The following CCT8 variants were observed in gnomAD, a reference collection of about 807,000 sequenced individuals.
The protein encoded by CCT8 is chaperonin containing TCP1 subunit 8.
In CCT8, 10 loss-of-function variants were observed where a neutral mutation model predicts 65.7. The observed-to-expected ratio is 0.15, with a 90% confidence interval of 0.09 to 0.26. CCT8 has a LOEUF of 0.26. Among genes scored for constraint, CCT8 ranks in the 10% least tolerant of loss-of-function variants. The probability of loss-of-function intolerance (pLI) is 1.00; values close to 1 mark genes in which losing one functional copy is unlikely to be tolerated. For synonymous variants in CCT8, 199 were observed against 221.8 expected (o/e 0.90, Z 0.92); for missense variants, 568 against 669.1 (o/e 0.85, Z 1.67).
At chr21:29,072,844 C>T (rs1385294243) in intron 1 of CCT8, among the ~76,000 whole-genome samples, 3 of 152,136 alleles carry the variant, frequency 2.0e-5, no homozygotes, top group Non-Finnish European at 4.4e-5. Flanking sequence ...TTATCTGCAC[C>T]CCTCTATCAC....
At chr21:29,063,289 G>T in intron 8 of CCT8, 63 bp downstream of exon 8, 1 of 1,267,738 alleles carries the variant, frequency 7.9e-7, no homozygotes, top group Non-Finnish European at 1.1e-6. Flanking sequence ...ATTTCGTTTA[G>T]TGTTTTCACC....
intron 14 of CCT8, among the ~76,000 whole-genome samples, chr21:29,057,413 C>T (rs889211858): frequency 1.3e-5 from 2 of 151,300 alleles, no homozygotes; most frequent in African/African-American, 4.8e-5. Flanking sequence ...GATCCACCCG[C>T]CTCAGCCTCC....
At chr21:29,063,324 G>GT (rs983413051) in intron 8 of CCT8, 28 bp downstream of exon 8, 8 of 1,533,238 alleles carry the variant, frequency 5.2e-6, no homozygotes, top group South Asian at 2.3e-5. Context: ...TATGATATAG[G>GT]TAAAAAAAAA....
intron 14 of CCT8, among the ~76,000 whole-genome samples, chr21:29,058,511 T>C (rs1344140685): frequency 1.3e-5 from 2 of 152,070 alleles, no homozygotes; most frequent in African/African-American, 4.8e-5. Flanking sequence ...TCAAAAGTGC[T>C]CATTAAAACA....
At chr21:29,057,779 TATGAG>T (rs1288716490) in intron 14 of CCT8, among the ~76,000 whole-genome samples, 5 of 146,716 alleles carry the variant, frequency 3.4e-5, no homozygotes, top group Admixed American at 6.8e-5. Context: ...ATATGATATA[TATGAG>T]ATATGTATGA....
At chr21:29,073,310 GCCGATCCCTCGGCCTTCTC>G in intron 1 of CCT8, 1 of 1,401,504 alleles carries the variant, frequency 7.1e-7, no homozygotes, top group Non-Finnish European at 9.3e-7. Context: ...CGATCGTGCC[GCCGATCCCTCGGCCTTCTC>G]CCGGTCGCGG....
chr21:29,072,658 T>A (rs776217332), intron 1 of CCT8, among the ~76,000 whole-genome samples: 5 of 152,232 alleles, frequency 3.3e-5, no homozygotes, highest in Non-Finnish European at 7.3e-5. Flanking sequence ...GTACCTCGCA[T>A]AAAACCTTAA....
At chr21:29,071,933 G>C (rs1390489318) in intron 1 of CCT8, 5 of 702,098 alleles carry the variant, frequency 7.1e-6, no homozygotes, top group Admixed American at 4.0e-5. Context: ...CCCTTGTATG[G>C]CTCCTCCTCT....
intron 1 of CCT8, chr21:29,071,989 CTGTTGTTGT>C (rs200313570): frequency 4.3e-6 from 3 of 697,440 alleles, no homozygotes; most frequent in Non-Finnish European, 5.2e-6. Flanking sequence ...GCCCTACAAC[CTGTTGTTGT>C]TGTTGTTGTT....
chr21:29,057,695 CATATATCATAT>C (rs2085515409), intron 14 of CCT8, among the ~76,000 whole-genome samples: 1 of 76,222 alleles, frequency 1.3e-5, no homozygotes, highest in African/African-American at 3.7e-5. Context: ...ATATATCATA[CATATATCATAT>C]ATAATATATA....
chr21:29,069,270 G>C (rs1457895605), intron 3 of CCT8, among the ~76,000 whole-genome samples, 153 bp downstream of exon 3: 3 of 152,088 alleles, frequency 2.0e-5, no homozygotes, highest in Non-Finnish European at 4.4e-5. Flanking sequence ...ATCTAAAGAG[G>C]ACTCTTTATA....
intron 3 of CCT8, among the ~76,000 whole-genome samples, chr21:29,068,582 A>T (rs1186347376): frequency 6.6e-6 from 1 of 151,888 alleles, no homozygotes; most frequent in African/African-American, 2.4e-5. Flanking sequence ...GCCCTAGCCT[A>T]CTGAGTAGCT....
intron 1 of CCT8, among the ~76,000 whole-genome samples, chr21:29,071,403 A>G (rs2085678388): frequency 6.6e-6 from 1 of 151,558 alleles, no homozygotes; most frequent in Non-Finnish European, 1.5e-5. Flanking sequence ...TTTTTGAGAG[A>G]GAGAGAGTCT....
intron 3 of CCT8, among the ~76,000 whole-genome samples, 174 bp from the exon 4 acceptor site, chr21:29,067,879 C>A (rs922845028): frequency 2.6e-4 from 39 of 152,176 alleles, no homozygotes; most frequent in African/African-American, 9.4e-4. Flanking sequence ...AAATCCAAGT[C>A]CCTTTATGCC....
At chr21:29,061,466 G>C (rs1420764449) in intron 12 of CCT8, 30 bp downstream of exon 12, 3 of 1,613,618 alleles carry the variant, frequency 1.9e-6, no homozygotes, top group Non-Finnish European at 2.5e-6. Context: ...GCAATGGAAA[G>C]AAAGTCAATT....
chr21:29,060,410 T>C (rs1601088364), intron 14 of CCT8, 131 bp downstream of exon 14: 2 of 843,290 alleles, frequency 2.4e-6, no homozygotes. Flanking sequence ...GGGGGGCACA[T>C]AGTATCTCTA....
At chr21:29,056,848 T>C (rs1307544543) in intron 14 of CCT8, among the ~76,000 whole-genome samples, 1 of 152,216 alleles carries the variant, frequency 6.6e-6, no homozygotes, top group Non-Finnish European at 1.5e-5. Context: ...TGAAAATATG[T>C]GCATGCATCA....
chr21:29,066,644 TGCA>T, intron 6 of CCT8, 69 bp downstream of exon 6: 2 of 920,658 alleles, frequency 2.2e-6, no homozygotes, highest in South Asian at 1.7e-5. Flanking sequence ...TTTTTTTTTT[TGCA>T]CAAAAAAACA....
rs1409956805 is a variant in CCT8 at position 29,067,067 on chromosome 21, A to G, written c.386T>C (p.Ile129Thr). 2 of 1,604,490 alleles carry G rather than the reference A, an allele frequency of 1.2e-6. No homozygotes were observed. The highest frequency in any genetic ancestry group is 4.5e-5 in the East Asian group (2 of 44,728). The change falls in exon 5 of 15, where the codon ATA (isoleucine) becomes ACA (threonine). Residue 129 changes from isoleucine to threonine, a missense_variant. Coordinates refer to ENST00000286788, the MANE Select transcript of CCT8 (RefSeq NM_006585.4). Reference sequence around the variant, plus strand: ...TCTGCAGGCTATTTCATAACCTTCTATGACCTAAAACATAAACAACATTTC... The same window carrying G: ...TCTGCAGGCTATTTCATAACCTTCTGTGACCTAAAACATAAACAACATTTC... ...LRIGLSVSEV[I>T]EGYEIACRKA...
Sources: allele counts gnomAD v4.1 joint callset (sites outside exome capture counted in the v4.1 genomes callset), GRCh38; gene constraint gnomAD v4.1.1; transcripts MANE v1.5; gene names NCBI Gene and HGNC (gene_info 2026-07-23, HGNC 2026-07-21).